Variants in DDHD1 observed in about 807,000 individuals in gnomAD.
The protein encoded by DDHD1 is DDHD domain containing 1.
DDHD1 carries 49 observed loss-of-function variants against 96.4 expected under a neutral mutation model. The ratio of observed to expected loss-of-function variants is 0.51; its 90% CI spans 0.40 to 0.64. DDHD1 has a LOEUF of 0.64. Among genes scored for constraint, DDHD1 ranks in the 30% least tolerant of loss-of-function variants. The probability of loss-of-function intolerance (pLI) is 0.00; values close to 1 mark genes in which losing one functional copy is unlikely to be tolerated. For synonymous variants in DDHD1, 442 were observed against 446.5 expected (o/e 0.99, Z 0.13); for missense variants, 1,106 against 1,161.2 (o/e 0.95, Z 0.69).
intron 4 of DDHD1, among the ~76,000 whole-genome samples, chr14:53,090,994 A>G (rs1886387288): frequency 6.6e-6 from 1 of 152,222 alleles, no homozygotes; most frequent in Non-Finnish European, 1.5e-5. Flanking sequence ...TGCTGAGGAC[A>G]TACTTTCTGG....
intron 1 of DDHD1, among the ~76,000 whole-genome samples, chr14:53,146,354 A>T (rs1352516331): frequency 6.6e-6 from 1 of 151,132 alleles, no homozygotes; most frequent in African/African-American, 2.4e-5. Flanking sequence ...GAATATAAAA[A>T]TCAGCCAGGC....
intron 6 of DDHD1, among the ~76,000 whole-genome samples, chr14:53,064,182 A>T (rs1004700226): frequency 6.6e-6 from 1 of 152,104 alleles, no homozygotes; most frequent in African/African-American, 2.4e-5. Flanking sequence ...CTTTGATAAG[A>T]ATATCAACCA....
At chr14:53,085,284 C>T (rs147098904) in intron 4 of DDHD1, among the ~76,000 whole-genome samples, 7 of 152,260 alleles carry the variant, frequency 4.6e-5, no homozygotes, top group Admixed American at 2.0e-4. Context: ...TCTCCCAGCA[C>T]GGGGTTTCAA....
In DDHD1 at chr14:53,077,619, G is replaced by A. The variant is rs565400862; in HGVS notation, c.1290-3772C>T. On this transcript the variant is annotated intron_variant, in intron 4 of 12. Coordinates refer to ENST00000673822, the MANE Select transcript of DDHD1 (RefSeq NM_001160148.2). ...GGTTCAAATTGTCTATTTTAGGTCTGTGAATCTCTCCAAGTTGCTTTTGAC... is the reference window on the plus strand; with the variant it reads ...GGTTCAAATTGTCTATTTTAGGTCTATGAATCTCTCCAAGTTGCTTTTGAC... Among the ~76,000 whole-genome samples the A allele has an allele frequency of 1.0e-4, 15 of 149,680 alleles. No individual in the cohort carries two copies. In the East Asian group the frequency reaches 2.9e-3, roughly 29 times the overall value.
chr14:53,064,211 T>A (rs1414132127), intron 6 of DDHD1, among the ~76,000 whole-genome samples: 1 of 152,098 alleles, frequency 6.6e-6, no homozygotes, highest in Non-Finnish European at 1.5e-5. Flanking sequence ...AATTTCATTA[T>A]TTTCCTGATT....
chr14:53,070,047 A>G (rs1163098090), intron 6 of DDHD1, among the ~76,000 whole-genome samples: 1 of 152,114 alleles, frequency 6.6e-6, no homozygotes, highest in African/African-American at 2.4e-5. Flanking sequence ...GAAAGTGACC[A>G]TTTGCTCAGT....
chr14:53,058,663 T>G, intron 8 of DDHD1, 37 bp from the exon 9 acceptor site: 1 of 1,561,908 alleles, frequency 6.4e-7, no homozygotes, highest in Non-Finnish European at 8.7e-7. Context: ...TTAAAAATGG[T>G]GAAGTGTTAT....
Position 53,152,133 on chromosome 14 carries a change from C to A in DDHD1, c.838+128G>T. On this transcript the variant is annotated intron_variant, in intron 1 of 12. Transcript: ENST00000673822. ...CCGACGCTCCCTGCTCAATCTCCATCCTGCCCCAGCCAAACGCCAGGCCTC... is the reference window on the plus strand; with the variant it reads ...CCGACGCTCCCTGCTCAATCTCCATACTGCCCCAGCCAAACGCCAGGCCTC... 7 of 1,000,534 alleles carry A rather than the reference C, an allele frequency of 7.0e-6. No individual in the cohort carries two copies. The South Asian group carries it at 1.2e-4, about 17-fold the overall frequency. The allele number at this position is 1,000,534 out of a possible 1,614,324, so 62.0% of individuals were successfully genotyped here. A position where few individuals can be genotyped will look rare whatever the true frequency, so the allele number is the denominator to read the frequency against.
intron 12 of DDHD1, among the ~76,000 whole-genome samples, chr14:53,051,560 A>G (rs2139823152): frequency 6.6e-6 from 1 of 152,132 alleles, no homozygotes; most frequent in East Asian, 1.9e-4. Context: ...AGGACAATAA[A>G]GAAGGAAGAA....
chr14:53,113,349 C>CT (rs111843777), intron 1 of DDHD1, among the ~76,000 whole-genome samples: 76 of 107,040 alleles, frequency 7.1e-4, no homozygotes, highest in African/African-American at 1.0e-3. Context: ...TTTTCTTTTT[C>CT]TTTTTTTTTT....
intron 1 of DDHD1, among the ~76,000 whole-genome samples, chr14:53,137,650 A>G (rs1890333525): frequency 1.3e-5 from 2 of 152,190 alleles, no homozygotes; most frequent in African/African-American, 4.8e-5. Context: ...CTACAGGGCA[A>G]TATCAAAATG....
intron 12 of DDHD1, chr14:53,048,851 T>G (rs578188614): frequency 6.6e-6 from 1 of 152,094 alleles, no homozygotes; most frequent in Admixed American, 6.5e-5. Flanking sequence ...TGAAGATGAG[T>G]CAAGATGAAT....
intron 3 of DDHD1, chr14:53,093,054 G>C (rs1392856347): frequency 7.5e-5 from 16 of 212,876 alleles, no homozygotes; most frequent in Non-Finnish European, 1.4e-4. Context: ...CCACATTTTA[G>C]GTTTAACAGC....
chr14:53,105,885 T>A (rs1196756554), intron 1 of DDHD1, among the ~76,000 whole-genome samples: 2 of 152,192 alleles, frequency 1.3e-5, no homozygotes, highest in African/African-American at 4.8e-5. Flanking sequence ...GCTATTTTTT[T>A]ATTTTTTGTA....
intron 8 of DDHD1, among the ~76,000 whole-genome samples, chr14:53,059,393 C>A (rs1173593310): frequency 6.6e-6 from 1 of 151,710 alleles, no homozygotes; most frequent in Non-Finnish European, 1.5e-5. Flanking sequence ...TACAGGCGCC[C>A]GCCACCACGC....
rs1351476384 is a variant in DDHD1, at chr14:53,058,707, G to A, written c.1843-81C>T. On this transcript the variant is annotated intron_variant, in intron 8 of 12. Transcript: ENST00000673822. ...AAAATTTGGGCATAACGTAATATAT[G>A]GCAAAATACAAATAATAAAATATCT... 30 of 1,251,628 alleles carry A rather than the reference G, an allele frequency of 2.4e-5. No homozygotes were observed. The South Asian group carries it at 2.8e-4, about 12-fold the overall frequency. 77.5% of individuals were successfully genotyped at this position (1,251,628 alleles called of 1,614,324 possible). A position where few individuals can be genotyped will look rare whatever the true frequency, so the allele number is the denominator to read the frequency against.
chr14:53,126,705 A>G (rs1157548474), intron 1 of DDHD1, among the ~76,000 whole-genome samples: 2 of 152,146 alleles, frequency 1.3e-5, no homozygotes, highest in African/African-American at 4.8e-5. Flanking sequence ...TCAAGCATCA[A>G]TTTCTCTGGA....
At chr14:53,092,507 A>T (rs535652014) in intron 3 of DDHD1, 1 of 152,274 alleles carries the variant, frequency 6.6e-6, no homozygotes, top group East Asian at 1.9e-4. Flanking sequence ...CATCTTTCCC[A>T]GGTATCATTC....
Position 53,096,020 on chromosome 14 carries a change from T to C in DDHD1, c.1013-2576A>G, listed in dbSNP as rs1886856365. ...TAAACAAACTAATACAATGGACACATTTAAAAAAAACTAATAATTTCTATG... is the reference window on the plus strand; with the variant it reads ...TAAACAAACTAATACAATGGACACACTTAAAAAAAACTAATAATTTCTATG... On this transcript the variant is annotated intron_variant, in intron 2 of 12. Transcript: ENST00000673822. 6 of 580,108 alleles carry C rather than the reference T, an allele frequency of 1.0e-5. No individual in the cohort carries two copies. In the South Asian group the frequency reaches 3.8e-4, roughly 37 times the overall value. 35.9% of individuals were successfully genotyped at this position (580,108 alleles called of 1,614,324 possible). A position where few individuals can be genotyped will look rare whatever the true frequency, so the allele number is the denominator to read the frequency against.
Sources: gnomAD v4.1 joint callset for allele counts (sites outside exome capture counted in the v4.1 genomes callset) on GRCh38, gnomAD v4.1.1 for gene constraint, MANE v1.5 for transcripts, NCBI Gene and HGNC (gene_info 2026-07-23, HGNC 2026-07-21) for gene names.